DDX17: variants seen among roughly 807,000 people sequenced by gnomAD.
DDX17 encodes DEAD-box helicase 17.
In DDX17, 10 loss-of-function variants were observed where a neutral mutation model predicts 80.8. The ratio of observed to expected loss-of-function variants is 0.12; its 90% CI spans 0.08 to 0.21. DDX17 has a LOEUF of 0.21. Among genes scored for constraint, DDX17 ranks in the 10% least tolerant of loss-of-function variants. The pLI is 1.00. For synonymous variants in DDX17, 339 were observed against 336.2 expected (o/e 1.01, Z -0.09); for missense variants, 586 against 957.4 (o/e 0.61, Z 5.12).
chr22:38,492,282 C>T (rs1238573304), intron 10 of DDX17, among the ~76,000 whole-genome samples, 167 bp from the exon 11 acceptor site: 1 of 152,138 alleles, frequency 6.6e-6, no homozygotes, highest in Non-Finnish European at 1.5e-5. Flanking sequence ...TTCAGCAGCA[C>T]AATAGTTACC....
chr22:38,492,510 G>A (rs2089723405), intron 10 of DDX17, among the ~76,000 whole-genome samples: 1 of 152,056 alleles, frequency 6.6e-6, no homozygotes, highest in South Asian at 2.1e-4. Context: ...TTTTGAGATG[G>A]AGTTTCGCTC....
At chr22:38,492,196 A>T (rs2089720127) in intron 10 of DDX17, 81 bp from the exon 11 acceptor site, 4 of 1,205,166 alleles carry the variant, frequency 3.3e-6, no homozygotes, top group Non-Finnish European at 4.7e-6. Flanking sequence ...TAAAATTTCA[A>T]ATAATGGTGC....
chr22:38,505,916 C>CCCCCCCCG, intron 1 of DDX17, 35 bp downstream of exon 1: 1 of 1,532,424 alleles, frequency 6.5e-7, no homozygotes, highest in Non-Finnish European at 8.8e-7. Context: ...CCCCCACCCC[C>CCCCCCCCG]ACGCCAGGCC....
At position 38,499,390 on chromosome 22, in the gene DDX17, G is replaced by A. The variant is rs769260944; in HGVS notation, c.538+10C>T. 2 of 1,606,038 alleles carry A rather than the reference G, an allele frequency of 1.2e-6. No individual in the cohort carries two copies. The highest frequency in any genetic ancestry group is 4.5e-5 in the East Asian group (2 of 44,840). ...TAACAAATTAAGGTTCTAGATTGAA[G>A]AACACTTACGTGGGAAGTTAGCATG... On this transcript the variant is annotated intron_variant, in intron 3 of 12. Transcript: ENST00000403230.
rs772157868 is a variant in DDX17, at chr22:38,495,818, G to C, written c.858C>G (p.Pro286=). ...TACCTCTTTCCAAGTCTCGAATCTG[G>C]GGACCTTTAGGAGCACCTCCATAAA... Residue 286 remains proline, a synonymous_variant, in exon 6 of 13, where the codon CCC becomes CCG. Coordinates refer to ENST00000403230, the MANE Select transcript of DDX17 (RefSeq NM_006386.5). The C allele has an allele frequency of 6.2e-7, 1 of 1,601,544 alleles. No homozygotes were observed. The highest frequency in any genetic ancestry group is 1.3e-5 in the African/African-American group (1 of 74,140).
intron 2 of DDX17, among the ~76,000 whole-genome samples, chr22:38,500,731 C>T (rs1006334815): frequency 7.6e-5 from 11 of 144,018 alleles, no homozygotes; most frequent in African/African-American, 1.0e-4. Flanking sequence ...GCAGTAGAAT[C>T]GCTTGAACCC....
At chr22:38,494,172 T>G in intron 8 of DDX17, 41 bp from the exon 9 acceptor site, 2 of 1,342,908 alleles carry the variant, frequency 1.5e-6, no homozygotes, top group Non-Finnish European at 2.1e-6. Flanking sequence ...CACAGAAAGT[T>G]ATTATGTGGA....
In DDX17 at chr22:38,486,508, C is replaced by A. The variant is rs907895730; in HGVS notation, c.1685-68G>T. The A allele has an allele frequency of 2.0e-6, 3 of 1,466,830 alleles. No individual in the cohort carries two copies. The African/African-American group carries it at 4.3e-5, about 21-fold the overall frequency. The allele number at this position is 1,466,830 out of a possible 1,614,324, so 90.9% of individuals were successfully genotyped here. A position where few individuals can be genotyped will look rare whatever the true frequency, so the allele number is the denominator to read the frequency against. Reference sequence around the variant, plus strand: ...ACCTAAACATAACAATGTAAAAATTCTACTGGGTACAAAAGTATTAAACAT... The same window carrying A: ...ACCTAAACATAACAATGTAAAAATTATACTGGGTACAAAAGTATTAAACAT... On this transcript the variant is annotated intron_variant, in intron 12 of 12. Transcript: ENST00000403230.
intron 1 of DDX17, among the ~76,000 whole-genome samples, chr22:38,505,013 A>C (rs1746269739): frequency 6.6e-6 from 1 of 152,162 alleles, no homozygotes; most frequent in Non-Finnish European, 1.5e-5. Context: ...GGTTCAAGCG[A>C]TTCTCCTGCC....
rs929295862 is a variant in DDX17, at chr22:38,489,329, C to T, written c.1448-1214G>A. On this transcript the variant is annotated intron_variant, in intron 11 of 12. Coordinates refer to ENST00000403230, the MANE Select transcript of DDX17 (RefSeq NM_006386.5). This position sits in a 1 kb window ranked among gnomAD's most constrained non-coding sequence, Gnocchi z 4.6. ...CTTTCGAAAACTCCGCCTTCTGACA[C>T]GGGACCACTGGAGCGCGGGGAGCAT... The T allele has an allele frequency of 3.0e-6, 3 of 985,626 alleles. No homozygotes were observed. The highest frequency in any genetic ancestry group is 4.7e-5 in the South Asian group (1 of 21,290). The allele number at this position is 985,626 out of a possible 1,614,324, so 61.1% of individuals were successfully genotyped here.
In DDX17 at chr22:38,485,901, T is replaced by C. The variant is rs530530501; in HGVS notation, c.*34A>G. ...AAGACAGTGTTCCTTAAAATGTAAT[T>C]AAGTCTGCTGGAGTCACTACCACTT... On this transcript the variant is annotated 3_prime_UTR_variant, in exon 13 of 13. Transcript: ENST00000403230. 1.1e-5 allele frequency: 17 copies of C among 1,603,158 alleles called. No homozygotes were observed. In the South Asian group the frequency reaches 1.7e-4, roughly 16 times the overall value.
chr22:38,492,350 G>A (rs541041404), intron 10 of DDX17, among the ~76,000 whole-genome samples: 2 of 152,248 alleles, frequency 1.3e-5, no homozygotes, highest in South Asian at 2.1e-4. Context: ...TAATTAATAT[G>A]AGCTAGATTT....
At chr22:38,495,070 A>C in intron 6 of DDX17, 24 bp from the exon 7 acceptor site, 2 of 1,604,260 alleles carry the variant, frequency 1.2e-6, no homozygotes, top group Non-Finnish European at 1.7e-6. Context: ...CCAATGATCG[A>C]GCCAATCGAC....
Position 38,489,928 on chromosome 22 carries a change from A to C in DDX17, c.1448-1813T>G. ...CAATCCCACTGCATATGACCATGGC[A>C]GTAGAACAAGTTCAATTACTACACT... On this transcript the variant is annotated intron_variant, in intron 11 of 12. Coordinates refer to ENST00000403230, the MANE Select transcript of DDX17 (RefSeq NM_006386.5). This position sits in a 1 kb window ranked among gnomAD's most constrained non-coding sequence, Gnocchi z 4.6. The C allele has an allele frequency of 1.0e-6, 1 of 997,362 alleles. No homozygotes were observed. Among genetic ancestry groups the C allele is most frequent in the Non-Finnish European group, 1.2e-6 (1 of 836,688 alleles). The allele number at this position is 997,362 out of a possible 1,614,324, so 61.8% of individuals were successfully genotyped here.
intron 1 of DDX17, among the ~76,000 whole-genome samples, chr22:38,504,588 TA>T (rs1033573441): frequency 1.3e-5 from 2 of 152,166 alleles, no homozygotes; most frequent in African/African-American, 4.8e-5. Context: ...TCTCATCCTC[TA>T]AACAATGAGA....
intron 1 of DDX17, among the ~76,000 whole-genome samples, chr22:38,503,059 C>G (rs891133975): frequency 5.3e-5 from 8 of 152,158 alleles, no homozygotes; most frequent in African/African-American, 1.9e-4. Flanking sequence ...CAGAACTTGG[C>G]TAATTCCATT....
chr22:38,495,997 A>T, intron 5 of DDX17, 60 bp from the exon 6 acceptor site: 1 of 1,376,248 alleles, frequency 7.3e-7, no homozygotes, highest in Non-Finnish European at 9.6e-7. Flanking sequence ...AAAAAAAAAA[A>T]AAGAAGAAAC....
intron 10 of DDX17, among the ~76,000 whole-genome samples, chr22:38,492,709 C>G (rs1163570972): frequency 6.6e-6 from 1 of 152,194 alleles, no homozygotes; most frequent in African/African-American, 2.4e-5. Flanking sequence ...TGGTCTCGAA[C>G]TCCCAACCTC....
At chr22:38,493,005 G>A (rs1451491906) in intron 10 of DDX17, among the ~76,000 whole-genome samples, 1 of 152,096 alleles carries the variant, frequency 6.6e-6, no homozygotes, top group Non-Finnish European at 1.5e-5. Flanking sequence ...ATAAAGGGAG[G>A]GTGGTGAAAG....
Sources: gnomAD v4.1 joint callset for allele counts (sites outside exome capture counted in the v4.1 genomes callset) on GRCh38, gnomAD v4.1.1 for gene constraint, Gnocchi (gnomAD v3.1) non-coding constraint, MANE v1.5 for transcripts, NCBI Gene and HGNC (gene_info 2026-07-23, HGNC 2026-07-21) for gene names.